The following VAV1 variants were observed in gnomAD, a reference collection of about 807,000 sequenced individuals.
VAV1 encodes the protein vav guanine nucleotide exchange factor 1.
In VAV1, 33 loss-of-function variants were observed where a neutral mutation model predicts 128.1. The observed-to-expected ratio is 0.26, with a 90% CI of 0.20 to 0.34. The LOEUF is 0.34. Ranked by LOEUF, VAV1 falls within the 10% of genes least tolerant of loss-of-function variation. VAV1 has a pLI of 1.00. For synonymous variants in VAV1, 394 were observed against 409.8 expected, an observed-to-expected ratio of 0.96 and a Z score of 0.47; for missense variants, 715 against 1,093.7, an observed-to-expected ratio of 0.65 and a Z score of 4.88.
chr19:6,821,752 G>A, intron 3 of VAV1, 39 bp from the exon 4 acceptor site: 1 of 1,613,412 alleles, frequency 6.2e-7, no homozygotes, highest in South Asian at 1.1e-5. Flanking sequence ...CTTCTACCCA[G>A]CCCCCAGGCC....
intron 1 of VAV1, among the ~76,000 whole-genome samples, chr19:6,785,752 TG>T (rs111433311): frequency 0.011 from 1,721 of 151,240 alleles, 28 homozygotes; most frequent in African/African-American, 0.039. Flanking sequence ...CTCTGCCTCC[TG>T]GGCCCAAATG....
intron 21 of VAV1, among the ~76,000 whole-genome samples, chr19:6,841,104 A>G (rs922735242): frequency 6.6e-6 from 1 of 151,356 alleles, no homozygotes; most frequent in African/African-American, 2.4e-5. Flanking sequence ...TTGTAGGGAC[A>G]GGGTTTCATC....
chr19:6,854,085 A>T lies in VAV1; in HGVS notation c.2471A>T (p.Glu824Val). 1.2e-6 allele frequency: 2 copies of T among 1,612,988 alleles called. No individual in the cohort carries two copies. Among genetic ancestry groups the T allele is most frequent in the Non-Finnish European group, 1.7e-6 (2 of 1,179,878 alleles). ...GGACAGCAAGGCTGGTGGCGAGGGG[A>T]GATCTATGGCCGGGTGAGGCAGGCA... ...KKGQQGWWRG[E>V]IYGRVGWFPA... Residue 824 changes from glutamate to valine, a missense_variant, in exon 26 of 27, where the codon GAG becomes GTG. This residue lies in a region of VAV1 where 407 missense variants were observed against 580.6 expected (regional missense o/e 0.70). Transcript: ENST00000602142.
chr19:6,813,680 T>C (rs1343125200), intron 1 of VAV1, among the ~76,000 whole-genome samples: 1 of 152,152 alleles, frequency 6.6e-6, no homozygotes, highest in African/African-American at 2.4e-5. Context: ...TCAAGTTCAA[T>C]GAAAAGCCAT....
intron 14 of VAV1, among the ~76,000 whole-genome samples, chr19:6,831,862 G>A (rs1021901992): frequency 1.3e-5 from 2 of 151,992 alleles, no homozygotes; most frequent in African/African-American, 4.8e-5. Flanking sequence ...GAGTGTGTGT[G>A]TGTGTGTGTG....
At chr19:6,833,082 A>T in intron 15 of VAV1, 102 bp from the exon 16 acceptor site, 1 of 976,528 alleles carries the variant, frequency 1.0e-6, no homozygotes, top group Non-Finnish European at 1.5e-6. Flanking sequence ...ATGAGTGGAC[A>T]CGCAAAACGT....
chr19:6,848,262 C>T (rs1033972423), intron 23 of VAV1, 148 bp downstream of exon 23: 6 of 558,326 alleles, frequency 1.1e-5, no homozygotes, highest in Non-Finnish European at 1.7e-5. Flanking sequence ...GTGCCTTTCA[C>T]CTTCTTTATT....
intron 14 of VAV1, among the ~76,000 whole-genome samples, 185 bp from the exon 15 acceptor site, chr19:6,831,906 T>G (rs1037554778): frequency 1.3e-5 from 2 of 151,406 alleles, no homozygotes; most frequent in African/African-American, 2.4e-5. Context: ...GTATGTGGTT[T>G]TGGGTTTATG....
At chr19:6,790,070 C>T (rs1385740614) in intron 1 of VAV1, among the ~76,000 whole-genome samples, 3 of 152,096 alleles carry the variant, frequency 2.0e-5, no homozygotes, top group Non-Finnish European at 4.4e-5. Context: ...CCCAGCTACT[C>T]GAGAGGCTGA....
At chr19:6,839,105 G>GTTGGTCAGGCTGGTCTCGAACTCCTGACC (rs1192864074) in intron 21 of VAV1, among the ~76,000 whole-genome samples, 3 of 151,908 alleles carry the variant, frequency 2.0e-5, no homozygotes, top group African/African-American at 7.3e-5. Context: ...GTTTCATCAT[G>GTTGGTCAGGCTGGTCTCGAACTCCTGACC]TTGGTCAGGC....
chr19:6,842,963 C>T (rs1261913075), intron 21 of VAV1, among the ~76,000 whole-genome samples, 172 bp from the exon 22 acceptor site: 2 of 152,140 alleles, frequency 1.3e-5, no homozygotes, highest in South Asian at 2.1e-4. Context: ...GGCAGTCTCT[C>T]CCCCGAGGTT....
intron 1 of VAV1, among the ~76,000 whole-genome samples, chr19:6,786,460 T>G (rs1970896384): frequency 6.6e-6 from 1 of 151,830 alleles, no homozygotes; most frequent in African/African-American, 2.4e-5. Flanking sequence ...AGCCCGTCCC[T>G]GTAAAATAAA....
At chr19:6,803,585 A>G (rs1363682795) in intron 1 of VAV1, among the ~76,000 whole-genome samples, 1 of 152,034 alleles carries the variant, frequency 6.6e-6, no homozygotes, top group Non-Finnish European at 1.5e-5. Flanking sequence ...ATTATTAGAG[A>G]TGGACTTTTG....
chr19:6,805,609 C>CACACACACACAT (rs995636187), intron 1 of VAV1, among the ~76,000 whole-genome samples: 1 of 151,324 alleles, frequency 6.6e-6, no homozygotes, highest in African/African-American at 2.4e-5. Context: ...CACACACACA[C>CACACACACACAT]ACACATACAC....
At chr19:6,791,471 T>C (rs1293520345) in intron 1 of VAV1, among the ~76,000 whole-genome samples, 1 of 152,184 alleles carries the variant, frequency 6.6e-6, no homozygotes. Context: ...CTGGGGTCCT[T>C]GAGCTACCTC....
intron 22 of VAV1, among the ~76,000 whole-genome samples, chr19:6,846,480 C>T (rs534366209): frequency 1.8e-4 from 27 of 151,110 alleles, no homozygotes; most frequent in African/African-American, 6.1e-4. Flanking sequence ...CCCAGCTACT[C>T]CAGAGGCTGA....
At chr19:6,838,093 G>GTGTGTCTA (rs1972264651) in intron 21 of VAV1, among the ~76,000 whole-genome samples, 1 of 101,306 alleles carries the variant, frequency 9.9e-6, no homozygotes, top group African/African-American at 3.2e-5. Context: ...CTGTCTGTCT[G>GTGTGTCTA]TCTGTCTATC....
intron 1 of VAV1, among the ~76,000 whole-genome samples, chr19:6,811,661 C>T (rs143017682): frequency 1.3e-5 from 2 of 152,266 alleles, no homozygotes; most frequent in Non-Finnish European, 2.9e-5. Flanking sequence ...CTTTATTCAT[C>T]TCCCTGCATA....
intron 1 of VAV1, among the ~76,000 whole-genome samples, chr19:6,796,769 C>T (rs1208305731): frequency 3.3e-5 from 5 of 152,186 alleles, no homozygotes; most frequent in Admixed American, 1.3e-4. Flanking sequence ...ATTTTTTTCT[C>T]GCTTAACACT....
Sources: allele counts gnomAD v4.1 joint callset (sites outside exome capture counted in the v4.1 genomes callset), GRCh38; gene constraint gnomAD v4.1.1; regional missense constraint gnomAD v4.1.1; transcripts MANE v1.5; gene names NCBI Gene and HGNC (gene_info 2026-07-23, HGNC 2026-07-21).